The following FAF1 variants were observed in gnomAD, a reference collection of about 807,000 sequenced individuals.
The protein encoded by FAF1 is FAS-associated factor 1.
Under a neutral mutation model 92.5 loss-of-function variants are expected in FAF1, and 25 were observed. The observed-to-expected ratio is 0.27, with a 90% CI of 0.20 to 0.38. The LOEUF is 0.38. Among genes scored for constraint, FAF1 ranks in the 10% least tolerant of loss-of-function variants. FAF1 has a pLI of 1.00. For synonymous variants in FAF1, 234 were observed against 273.2 expected (o/e 0.86, Z 1.42); for missense variants, 636 against 793.3 (o/e 0.80, Z 2.38).
intron 8 of FAF1, among the ~76,000 whole-genome samples, chr1:50,640,259 T>C (rs1411921931): frequency 6.6e-6 from 1 of 151,810 alleles, no homozygotes; most frequent in Non-Finnish European, 1.5e-5. Flanking sequence ...TGTTTGGCAA[T>C]GTAATAAGCT....
intron 1 of FAF1, among the ~76,000 whole-genome samples, chr1:50,912,217 A>G (rs1644891094): frequency 6.6e-6 from 1 of 152,192 alleles, no homozygotes; most frequent in Admixed American, 6.5e-5. Flanking sequence ...CACAGGAGAC[A>G]GGAATGGTGT....
At chr1:50,722,454 C>G (rs994439720) in intron 6 of FAF1, among the ~76,000 whole-genome samples, 1 of 152,084 alleles carries the variant, frequency 6.6e-6, no homozygotes, top group African/African-American at 2.4e-5. Flanking sequence ...TGAGACCAGC[C>G]TGGCTAACAT....
rs1356829194 is a variant in FAF1 at position 50,437,697 on chromosome 1, A to G, written c.*3743T>C. 6.6e-6 allele frequency: 1 copy of G among 152,146 alleles called. No individual in the cohort carries two copies. The highest frequency in any genetic ancestry group is 1.9e-4 in the East Asian group (1 of 5,176). 9.4% of individuals were successfully genotyped at this position (152,146 alleles called of 1,614,324 possible). ...TTTAACTTTTTATGTACAACTGTAG[A>G]GGATTCCAAGATCCGTTCTTGAATA... On this transcript the variant is annotated 3_prime_UTR_variant, in exon 19 of 19. Transcript: ENST00000396153.
intron 1 of FAF1, among the ~76,000 whole-genome samples, chr1:50,933,148 C>T (rs1645061546): frequency 6.6e-6 from 1 of 152,182 alleles, no homozygotes; most frequent in Admixed American, 6.6e-5. Flanking sequence ...CCCCAGGTAA[C>T]ATTAGGCTCC....
intron 12 of FAF1, among the ~76,000 whole-genome samples, chr1:50,571,832 A>G (rs1650458239): frequency 6.6e-6 from 1 of 152,212 alleles, no homozygotes; most frequent in Non-Finnish European, 1.5e-5. Context: ...CTGTGTCTCA[A>G]AATAAGCCAG....
Position 50,959,848 on chromosome 1 carries a change from G to A in FAF1, c.-37C>T, listed in dbSNP as rs1167595169. 2 of 1,517,312 alleles carry A rather than the reference G, an allele frequency of 1.3e-6. No homozygotes were observed. Among genetic ancestry groups the A allele is most frequent in the Admixed American group, 1.9e-5 (1 of 52,516 alleles). 94.0% of individuals were successfully genotyped at this position (1,517,312 alleles called of 1,614,324 possible). A position where few individuals can be genotyped will look rare whatever the true frequency, so the allele number is the denominator to read the frequency against. On this transcript the variant is annotated 5_prime_UTR_variant, in exon 1 of 19. Transcript: ENST00000396153. ...AGTTCCGCGGCTCCGGGAGCGAAGC[G>A]CGCACCTGGGAGGCAGACGGCACCT... is the stretch of plus-strand genomic sequence containing the variant.
chr1:50,494,661 A>G (rs1407067548), intron 15 of FAF1, among the ~76,000 whole-genome samples: 4 of 152,204 alleles, frequency 2.6e-5, no homozygotes, highest in Non-Finnish European at 5.9e-5. Flanking sequence ...GCGCTGTGCT[A>G]CACTCATTTG....
At chr1:50,464,432 A>G (rs1274132254) in intron 18 of FAF1, among the ~76,000 whole-genome samples, 1 of 152,182 alleles carries the variant, frequency 6.6e-6, no homozygotes, top group Admixed American at 6.5e-5. Flanking sequence ...TCTTTGTGTT[A>G]TATCATCATG....
At chr1:50,535,257 AT>A (rs1345680707) in intron 15 of FAF1, 111 bp downstream of exon 15, 1 of 704,314 alleles carries the variant, frequency 1.4e-6, no homozygotes, top group Non-Finnish European at 2.4e-6. Context: ...TTGGAAATGC[AT>A]CTTCATCATC....
At chr1:50,801,921 T>C (rs1369973169) in intron 2 of FAF1, among the ~76,000 whole-genome samples, 1 of 152,114 alleles carries the variant, frequency 6.6e-6, no homozygotes. Flanking sequence ...AGTCATAAAG[T>C]CTAGTTCCAC....
chr1:50,817,731 G>C (rs1418069310), intron 2 of FAF1, among the ~76,000 whole-genome samples: 4 of 152,096 alleles, frequency 2.6e-5, no homozygotes, highest in African/African-American at 9.7e-5. Flanking sequence ...GGTTTCTTTT[G>C]CTGGGGATGA....
chr1:50,884,062 T>A (rs1010390286), intron 1 of FAF1, among the ~76,000 whole-genome samples: 1 of 151,866 alleles, frequency 6.6e-6, no homozygotes, highest in Non-Finnish European at 1.5e-5. Context: ...GAGGCGGAAG[T>A]TGCAGTGAGC....
At chr1:50,449,167 G>A (rs1182526741) in intron 18 of FAF1, among the ~76,000 whole-genome samples, 1 of 152,084 alleles carries the variant, frequency 6.6e-6, no homozygotes, top group African/African-American at 2.4e-5. Context: ...TTATTTTACA[G>A]TTCTCAAAAC....
intron 18 of FAF1, among the ~76,000 whole-genome samples, chr1:50,448,208 T>C (rs558215350): frequency 6.6e-6 from 1 of 152,248 alleles, no homozygotes; most frequent in African/African-American, 2.4e-5. Flanking sequence ...AGTGCCTTCT[T>C]TATGTGTAAG....
rs1233547325 is a variant in FAF1 at position 50,813,873 on chromosome 1, A to G, written c.115-12196T>C. ...TTTATCCTGAAGAAAATGAAAACAT[A>G]TGCTCCAAAGATTCATACTATAGTT... On this transcript the variant is annotated intron_variant, in intron 2 of 18. Transcript: ENST00000396153. Among the ~76,000 whole-genome samples, 3 of 152,168 alleles carry G rather than the reference A, an allele frequency of 2.0e-5. 1 individual carries two copies. In the South Asian group the frequency reaches 6.2e-4, roughly 32 times the overall value.
chr1:50,711,595 G>A (rs1034736087), intron 6 of FAF1, among the ~76,000 whole-genome samples: 6 of 150,200 alleles, frequency 4.0e-5, no homozygotes, highest in Admixed American at 1.3e-4. Context: ...TCGGCCTCCC[G>A]AGTAGCTGCT....
At position 50,564,114 on chromosome 1, in the gene FAF1, T is replaced by C. The variant is rs142937833; in HGVS notation, c.1268+2963A>G. ...ATGAGAGATCCACAGTATACTGTGA[T>C]TGAAGAACTAATGCCTCTATAGGCT... On this transcript the variant is annotated intron_variant, in intron 13 of 18. Transcript: ENST00000396153. Among the ~76,000 whole-genome samples, 126 of 152,314 alleles carry C rather than the reference T, an allele frequency of 8.3e-4. 1 individual carries two copies. The highest frequency in any genetic ancestry group is 2.8e-3 in the African/African-American group (115 of 41,584).
intron 14 of FAF1, among the ~76,000 whole-genome samples, chr1:50,535,979 C>G (rs2149038043): frequency 6.6e-6 from 1 of 152,288 alleles, no homozygotes; most frequent in East Asian, 1.9e-4. Flanking sequence ...AGGCCAGAAT[C>G]TGAAACCAGA....
At chr1:50,519,366 AGGAAGGAGGGAG>A (rs1187945663) in intron 15 of FAF1, among the ~76,000 whole-genome samples, 54 of 97,634 alleles carry the variant, frequency 5.5e-4, no homozygotes, top group South Asian at 1.2e-3. Flanking sequence ...GAAGGAAGGA[AGGAAGGAGGGAG>A]GGAGGGAGGG....
Sources: gnomAD v4.1 joint callset for allele counts (sites outside exome capture counted in the v4.1 genomes callset) on GRCh38, gnomAD v4.1.1 for gene constraint, MANE v1.5 for transcripts, NCBI Gene and HGNC (gene_info 2026-07-23, HGNC 2026-07-21) for gene names.